The following NANOS1 variants were observed in gnomAD, a reference collection of about 807,000 sequenced individuals.
NANOS1 encodes nanos homolog 1.
A neutral mutation model predicts 1.1 loss-of-function variants in NANOS1; 1 was observed. That is an observed-to-expected ratio of 0.88 (90% CI 0.31 to 4.20). The LOEUF (loss-of-function observed/expected upper bound fraction) is 4.20, where lower values mean the gene tolerates loss of function less well. Among genes scored for constraint, NANOS1 ranks in the 30% most tolerant of loss-of-function variants. The pLI is 0.17. For missense variants in NANOS1, 537 were observed against 457.9 expected, an observed-to-expected ratio of 1.17 and a Z score of -1.58; for synonymous variants, 252 against 230.6, an observed-to-expected ratio of 1.09 and a Z score of -0.84.
Position 119,029,847 on chromosome 10 carries a change from G to GCC in NANOS1, c.52_53dup (p.Pro19ArgfsTer12), listed in dbSNP as rs1848013621. On this transcript the variant is annotated frameshift_variant, in exon 1 of 1. Transcript: ENST00000425699. LOFTEE classifies it high-confidence loss of function. ...GCCCCGCTCGCCCCGCCGCGGCCGC[G>GCC]CCCCCCCGCCCATGGCGCTCGTGCC... 1 of 1,208,030 alleles carries GCC rather than the reference G, an allele frequency of 8.3e-7. No individual in the cohort carries two copies. Among genetic ancestry groups the GCC allele is most frequent in the Non-Finnish European group, 1.0e-6 (1 of 976,666 alleles). The allele number at this position is 1,208,030 out of a possible 1,614,324, so 74.8% of individuals were successfully genotyped here.
rs1848037987 is a variant in NANOS1, at chr10:119,030,867, A to G, written c.*187A>G. The G allele has an allele frequency of 2.5e-6, 2 of 801,144 alleles. No individual in the cohort carries two copies. The highest frequency in any genetic ancestry group is 1.3e-4 in the South Asian group (2 of 15,726). The allele number at this position is 801,144 out of a possible 1,614,324, so 49.6% of individuals were successfully genotyped here. On this transcript the variant is annotated 3_prime_UTR_variant, in exon 1 of 1. Transcript: ENST00000425699. The surrounding 1 kb of genome is among the most constrained non-coding windows in gnomAD (Gnocchi z 5.3). ...TTCCGTGCTGAACGATTGGGACTAG[A>G]CGCTGAAATCCCCATTTGTCTTCAG...
chr10:119,033,029 C>A lies in NANOS1; in HGVS notation c.*2349C>A, dbSNP rs1165701396. 6.1e-6 allele frequency: 1 copy of A among 165,094 alleles called. No individual in the cohort carries two copies. Among genetic ancestry groups the A allele is most frequent in the Non-Finnish European group, 1.5e-5 (1 of 68,158 alleles). 10.2% of individuals were successfully genotyped at this position (165,094 alleles called of 1,614,324 possible). The stretch of plus-strand genomic sequence containing the variant: ...TGGCCAACATGGCGAAGCCCCGTCT[C>A]TACTAAAAATACAAAAATTAGCCGG... On this transcript the variant is annotated 3_prime_UTR_variant, in exon 1 of 1. Coordinates refer to ENST00000425699, the MANE Select transcript of NANOS1 (RefSeq NM_199461.4).
At position 119,033,683 on chromosome 10, in the gene NANOS1, T is replaced by C. The variant is rs1201596637; in HGVS notation, c.*3003T>C. On this transcript the variant is annotated 3_prime_UTR_variant, in exon 1 of 1. Transcript: ENST00000425699. ...GATGAGAACAACTTTTGTCATAGAT[T>C]TGATTTATTAAACCAAAATTATACA... is the stretch of plus-strand genomic sequence containing the variant. 1 of 166,544 alleles carries C rather than the reference T, an allele frequency of 6.0e-6. No homozygotes were observed. Among genetic ancestry groups the C allele is most frequent in the East Asian group, 1.9e-4 (1 of 5,208 alleles). 10.3% of individuals were successfully genotyped at this position (166,544 alleles called of 1,614,324 possible).
chr10:119,030,993 C>CTATTT lies in NANOS1; in HGVS notation c.*316_*320dup. 3.4e-6 allele frequency: 1 copy of CTATTT among 292,040 alleles called. No homozygotes were observed. The allele number at this position is 292,040 out of a possible 1,614,324, so 18.1% of individuals were successfully genotyped here. On this transcript the variant is annotated 3_prime_UTR_variant, in exon 1 of 1. Coordinates refer to ENST00000425699, the MANE Select transcript of NANOS1 (RefSeq NM_199461.4). The surrounding 1 kb of genome is among the most constrained non-coding windows in gnomAD (Gnocchi z 5.3). ...CTGTTTATTTACTGTATACGTCGAC[C>CTATTT]TATTTTAGATGCGCATCAGTATGAA...
At position 119,032,288 on chromosome 10, in the gene NANOS1, T is replaced by A. The variant is rs1401063177; in HGVS notation, c.*1608T>A. 1.2e-5 allele frequency: 2 copies of A among 166,998 alleles called. No homozygotes were observed. Among genetic ancestry groups the A allele is most frequent in the African/African-American group, 4.8e-5 (2 of 41,438 alleles). 10.3% of individuals were successfully genotyped at this position (166,998 alleles called of 1,614,324 possible). ...GGGTAAATACCCGATAGCTGTCTTT[T>A]TGGTGAAAGAAAAGGTGCATTTCAA... On this transcript the variant is annotated 3_prime_UTR_variant, in exon 1 of 1. Transcript: ENST00000425699.
In NANOS1 at chr10:119,030,535, G is replaced by A. The variant is rs1323091843; in HGVS notation, c.734G>A (p.Arg245His). Reference protein sequence around the residue: ...PDGRVLCPVLRRYTCPLCGAS... With the variant: ...PDGRVLCPVLHRYTCPLCGAS... ...GGGCGAGTGCTGTGTCCCGTGCTGC[G>A]CCGCTACACGTGTCCCCTGTGCGGC... The change falls in exon 1 of 1, where the codon CGC (arginine) becomes CAC (histidine). Residue 245 changes from arginine to histidine, a missense_variant. Transcript: ENST00000425699. The surrounding 1 kb of genome is among the most constrained non-coding windows in gnomAD (Gnocchi z 5.3). 3 of 1,524,670 alleles carry A rather than the reference G, an allele frequency of 2.0e-6. No homozygotes were observed. Among genetic ancestry groups the A allele is most frequent in the African/African-American group, 1.4e-5 (1 of 70,264 alleles). 94.4% of individuals were successfully genotyped at this position (1,524,670 alleles called of 1,614,324 possible).
In NANOS1 at chr10:119,033,282, G is replaced by A. The variant is rs767364447; in HGVS notation, c.*2602G>A. On this transcript the variant is annotated 3_prime_UTR_variant, in exon 1 of 1. Coordinates refer to ENST00000425699, the MANE Select transcript of NANOS1 (RefSeq NM_199461.4). ...GACAATGAATACTGGGAGTTAAAAC[G>A]CAGAGTATTACTATAGTTAATTTTC... The A allele has an allele frequency of 1.2e-5, 2 of 167,068 alleles. No homozygotes were observed. The highest frequency in any genetic ancestry group is 2.4e-5 in the African/African-American group (1 of 41,448). 10.3% of individuals were successfully genotyped at this position (167,068 alleles called of 1,614,324 possible). A position where few individuals can be genotyped will look rare whatever the true frequency, so the allele number is the denominator to read the frequency against.
chr10:119,030,211 GC>G lies in NANOS1; in HGVS notation c.414del (p.Ala139ProfsTer13). 3 of 1,292,378 alleles carry G rather than the reference GC, an allele frequency of 2.3e-6. No homozygotes were observed. The highest frequency in any genetic ancestry group is 2.9e-6 in the Non-Finnish European group (3 of 1,024,814). 80.1% of individuals were successfully genotyped at this position (1,292,378 alleles called of 1,614,324 possible). ...LELRALELCA[G>X]PAEAGLLEER... ...TTGCGCGCGCTGGAGCTGTGCGCGG[GC>G]CCCGCCGAGGCCGGGCTGCTGGAGG... On this transcript the variant is annotated frameshift_variant, in exon 1 of 1. Coordinates refer to ENST00000425699, the MANE Select transcript of NANOS1 (RefSeq NM_199461.4). LOFTEE classifies it low-confidence loss of function (END_TRUNC). The surrounding 1 kb of genome is among the most constrained non-coding windows in gnomAD (Gnocchi z 5.3).
rs949846499 is a variant in NANOS1, at chr10:119,029,787, G to A, written c.-15G>A. 1.2e-5 allele frequency: 12 copies of A among 1,007,036 alleles called. No individual in the cohort carries two copies. The highest frequency in any genetic ancestry group is 3.5e-5 in the African/African-American group (2 of 57,100). 62.4% of individuals were successfully genotyped at this position (1,007,036 alleles called of 1,614,324 possible). A position where few individuals can be genotyped will look rare whatever the true frequency, so the allele number is the denominator to read the frequency against. ...GCCGGCGGCGGGGAGGCGGCGCGCG[G>A]CCCGCAGCCCGCCCATGGAGGCTTT... On this transcript the variant is annotated 5_prime_UTR_variant, in exon 1 of 1. Coordinates refer to ENST00000425699, the MANE Select transcript of NANOS1 (RefSeq NM_199461.4).
In NANOS1 at chr10:119,029,899, G is replaced by A; in HGVS notation, c.98G>A (p.Gly33Asp). The A allele has an allele frequency of 7.2e-7, 1 of 1,384,628 alleles. No individual in the cohort carries two copies. The allele number at this position is 1,384,628 out of a possible 1,614,324, so 85.8% of individuals were successfully genotyped here. A position where few individuals can be genotyped will look rare whatever the true frequency, so the allele number is the denominator to read the frequency against. The change falls in exon 1 of 1, where the codon GGC becomes GAC. Residue 33 changes from glycine to aspartate, a missense_variant. Coordinates refer to ENST00000425699, the MANE Select transcript of NANOS1 (RefSeq NM_199461.4). ...AGCGCCCGCTACGTGAGCGCCCCGG[G>A]CCCGGCGCACCCGCAGCCCTTCAGC... ...VPSARYVSAP[G>D]PAHPQPFSSW... is the part of the protein sequence containing the mutation.
In NANOS1 at chr10:119,030,340, C is replaced by T; in HGVS notation, c.539C>T (p.Thr180Met). Residue 180 changes from threonine to methionine, a missense_variant, in exon 1 of 1, where the codon ACG becomes ATG. Transcript: ENST00000425699. The surrounding 1 kb of genome is among the most constrained non-coding windows in gnomAD (Gnocchi z 5.3). ...AAAATTTSEA[T>M]PREERAPAWA... ...GCCGCCACCACCACCAGCGAGGCGA[C>T]GCCGCGCGAGGAGCGGGCCCCGGCG... is the stretch of plus-strand genomic sequence containing the variant. The T allele has an allele frequency of 8.9e-6, 10 of 1,128,176 alleles. No individual in the cohort carries two copies. The highest frequency in any genetic ancestry group is 4.3e-5 in the South Asian group (1 of 23,426). The allele number at this position is 1,128,176 out of a possible 1,614,324, so 69.9% of individuals were successfully genotyped here. A position where few individuals can be genotyped will look rare whatever the true frequency, so the allele number is the denominator to read the frequency against.
In NANOS1 at chr10:119,031,022, G is replaced by T. The variant is rs1030141107; in HGVS notation, c.*342G>T. On this transcript the variant is annotated 3_prime_UTR_variant, in exon 1 of 1. Coordinates refer to ENST00000425699, the MANE Select transcript of NANOS1 (RefSeq NM_199461.4). ...TTTAGATGCGCATCAGTATGAAATT[G>T]TCTCAATCTTGGATGTTTCATTTTA... The T allele has an allele frequency of 8.9e-5, 22 of 246,400 alleles. No homozygotes were observed. In the Admixed American group the frequency reaches 1.3e-3, roughly 14 times the overall value. 15.3% of individuals were successfully genotyped at this position (246,400 alleles called of 1,614,324 possible).
rs1848069255 is a variant in NANOS1 at position 119,032,737 on chromosome 10, A to G, written c.*2057A>G. On this transcript the variant is annotated 3_prime_UTR_variant, in exon 1 of 1. Transcript: ENST00000425699. The stretch of plus-strand genomic sequence containing the variant: ...CTTTGGCATAGCCTCAATATATGGG[A>G]GTCACTGTGATGAGATGTGCCTAAT... The G allele has an allele frequency of 6.0e-6, 1 of 167,084 alleles. No homozygotes were observed. The highest frequency in any genetic ancestry group is 6.5e-5 in the Admixed American group (1 of 15,282). 10.4% of individuals were successfully genotyped at this position (167,084 alleles called of 1,614,324 possible).
rs1159062211 is a variant in NANOS1 at position 119,030,039 on chromosome 10, T to A, written c.238T>A (p.Ser80Thr). The change falls in exon 1 of 1, where the codon TCC becomes ACC. Residue 80 changes from serine to threonine, a missense_variant. Ser to Thr is a moderately conservative substitution (Grantham distance 58, BLOSUM62 1). Coordinates refer to ENST00000425699, the MANE Select transcript of NANOS1 (RefSeq NM_199461.4). This position sits in a 1 kb window ranked among gnomAD's most constrained non-coding sequence, Gnocchi z 5.3. Reference sequence around the variant, plus strand: ...CGGCGGCGGCTCCCCGCCCTCCTCCTCCTCGTCGTCCTGCTGCTCCCCCCA... The same window carrying A: ...CGGCGGCGGCTCCCCGCCCTCCTCCACCTCGTCGTCCTGCTGCTCCCCCCA... ...NGGGGSPPSS[S>T]SSSCCSPHTG... The A allele has an allele frequency of 4.4e-6, 6 of 1,366,926 alleles. No homozygotes were observed. The African/African-American group carries it at 7.6e-5, about 17-fold the overall frequency. The allele number at this position is 1,366,926 out of a possible 1,614,324, so 84.7% of individuals were successfully genotyped here.
In NANOS1 at chr10:119,030,116, C is replaced by A; in HGVS notation, c.315C>A (p.Tyr105Ter). The A allele has an allele frequency of 7.5e-7, 1 of 1,331,978 alleles. No individual in the cohort carries two copies. The highest frequency in any genetic ancestry group is 2.0e-5 in the South Asian group (1 of 50,648). 82.5% of individuals were successfully genotyped at this position (1,331,978 alleles called of 1,614,324 possible). Residue 105 changes from tyrosine (Y) to a stop codon, truncating the protein, a stop_gained, in exon 1 of 1, where the codon TAC becomes TAA. Transcript: ENST00000425699. LOFTEE classifies it low-confidence loss of function (END_TRUNC). This position sits in a 1 kb window ranked among gnomAD's most constrained non-coding sequence, Gnocchi z 5.3. ...ALGPALGPPD[Y>*]DEDDDDDSDE... The stretch of plus-strand genomic sequence containing the variant: ...GGCCGGCGCTGGGGCCGCCCGACTA[C>A]GACGAGGACGACGACGACGACAGCG...
Position 119,030,558 on chromosome 10 carries a change from G to A in NANOS1, c.757G>A (p.Gly253Ser). Residue 253 changes from glycine (G) to serine (S), a missense_variant, in exon 1 of 1, where the codon GGC becomes AGC. Gly to Ser is a moderately conservative substitution (Grantham distance 56). Transcript: ENST00000425699. This position sits in a 1 kb window ranked among gnomAD's most constrained non-coding sequence, Gnocchi z 5.3. ...GCGCCGCTACACGTGTCCCCTGTGC[G>A]GCGCCAGCGGCGACAACGCGCACAC... The part of the protein sequence containing the change: ...VLRRYTCPLC[G>S]ASGDNAHTIK... 6.5e-7 allele frequency: 1 copy of A among 1,529,372 alleles called. No individual in the cohort carries two copies. Among genetic ancestry groups the A allele is most frequent in the Non-Finnish European group, 8.7e-7 (1 of 1,143,198 alleles). The allele number at this position is 1,529,372 out of a possible 1,614,324, so 94.7% of individuals were successfully genotyped here.
Position 119,029,989 on chromosome 10 carries a change from T to C in NANOS1, c.188T>C (p.Phe63Ser). ...ITKAVDGEPR[F>S]GCARGGNGGG... Reference sequence around the variant, plus strand: ...AAAGCGGTGGACGGCGAGCCGCGCTTCGGCTGCGCCCGCGGTGGGAACGGC... The same window carrying C: ...AAAGCGGTGGACGGCGAGCCGCGCTCCGGCTGCGCCCGCGGTGGGAACGGC... Residue 63 changes from phenylalanine to serine, a missense_variant, in exon 1 of 1, where the codon TTC (phenylalanine) becomes TCC (serine). Transcript: ENST00000425699. 7.1e-7 allele frequency: 1 copy of C among 1,417,346 alleles called. No homozygotes were observed. Among genetic ancestry groups the C allele is most frequent in the South Asian group, 1.4e-5 (1 of 69,554 alleles). 87.8% of individuals were successfully genotyped at this position (1,417,346 alleles called of 1,614,324 possible).
At position 119,029,972 on chromosome 10, in the gene NANOS1, G is replaced by A; in HGVS notation, c.171G>A (p.Val57=). 1 of 1,418,856 alleles carries A rather than the reference G, an allele frequency of 7.0e-7. No individual in the cohort carries two copies. Among genetic ancestry groups the A allele is most frequent in the Non-Finnish European group, 9.2e-7 (1 of 1,086,538 alleles). The allele number at this position is 1,418,856 out of a possible 1,614,324, so 87.9% of individuals were successfully genotyped here. A position where few individuals can be genotyped will look rare whatever the true frequency, so the allele number is the denominator to read the frequency against. Reference sequence around the variant, plus strand: ...TCGCCACGCTCATCACCAAAGCGGTGGACGGCGAGCCGCGCTTCGGCTGCG... The same window carrying A: ...TCGCCACGCTCATCACCAAAGCGGTAGACGGCGAGCCGCGCTTCGGCTGCG... The part of the protein sequence containing the change: ...LGLATLITKA[V]DGEPRFGCAR... Residue 57 remains valine, a synonymous_variant, in exon 1 of 1, where the codon GTG becomes GTA. Transcript: ENST00000425699.
At position 119,030,057 on chromosome 10, in the gene NANOS1, TC is replaced by T. The variant is rs1564744521; in HGVS notation, c.262del (p.His88ThrfsTer64). The T allele has an allele frequency of 8.2e-6, 11 of 1,336,558 alleles. No homozygotes were observed. The highest frequency in any genetic ancestry group is 2.7e-4 in the Middle Eastern group (1 of 3,732). The allele number at this position is 1,336,558 out of a possible 1,614,324, so 82.8% of individuals were successfully genotyped here. A position where few individuals can be genotyped will look rare whatever the true frequency, so the allele number is the denominator to read the frequency against. On this transcript the variant is annotated frameshift_variant, in exon 1 of 1. Transcript: ENST00000425699. LOFTEE classifies it low-confidence loss of function (END_TRUNC). The surrounding 1 kb of genome is among the most constrained non-coding windows in gnomAD (Gnocchi z 5.3). ...CTCCTCCTCCTCGTCGTCCTGCTGC[TC>T]CCCCCACACGGGGGCCGGGCCTGGG... ...PPSSSSSSCC[S>X]PHTGAGPGAL...
Sources: allele counts gnomAD v4.1 joint callset, GRCh38; gene constraint gnomAD v4.1.1; non-coding constraint Gnocchi (gnomAD v3.1); transcripts MANE v1.5; gene names NCBI Gene and HGNC (gene_info 2026-07-23, HGNC 2026-07-21).